The following AJAP1 variants were observed in gnomAD, a reference collection of about 807,000 sequenced individuals.
AJAP1 encodes adherens junction-associated protein 1.
Under a neutral mutation model 35.0 loss-of-function variants are expected in AJAP1, and 5 were observed. That is an observed-to-expected ratio of 0.14 (90% CI 0.07 to 0.30). AJAP1 has a LOEUF of 0.30. Among genes scored for constraint, AJAP1 ranks in the 10% least tolerant of loss-of-function variants. The pLI is 1.00. For synonymous variants in AJAP1, 284 were observed against 249.3 expected, an observed-to-expected ratio of 1.14 and a Z score of -1.31; for missense variants, 586 against 571.0, an observed-to-expected ratio of 1.03 and a Z score of -0.27.
intron 2 of AJAP1, among the ~76,000 whole-genome samples, chr1:4,762,537 C>T (rs918353353): frequency 4.6e-5 from 7 of 152,238 alleles, no homozygotes; most frequent in African/African-American, 1.7e-4. Flanking sequence ...CGTATTGTCA[C>T]ACATCATTGC....
intron 1 of AJAP1, among the ~76,000 whole-genome samples, chr1:4,674,996 G>A (rs13376219): frequency 0.14 from 21,618 of 152,234 alleles, 1,918 homozygotes; most frequent in East Asian, 0.29. Context: ...CCGTCGTCCT[G>A]CAGGCTTGAG....
rs779555822 is a variant in AJAP1 at position 4,712,180 on chromosome 1, C to T, written c.310C>T (p.Pro104Ser). 1.1e-5 allele frequency: 17 copies of T among 1,565,884 alleles called. No homozygotes were observed. In the South Asian group the frequency reaches 1.6e-4, roughly 15 times the overall value. The change falls in exon 2 of 6, where the codon CCC (proline) becomes TCC (serine). Residue 104 changes from proline to serine, a missense_variant. Transcript: ENST00000378191. Reference sequence around the variant, plus strand: ...GCCTCGAGCCAGACGGGCCCACAGGCCCCGGGACCAGGCGGCCGCCCTCGT... The same window carrying T: ...GCCTCGAGCCAGACGGGCCCACAGGTCCCGGGACCAGGCGGCCGCCCTCGT... ...QMPRARRAHR[P>S]RDQAAALVPK...
rs969134354 is a variant in AJAP1, at chr1:4,729,351, G to C, written c.829+16652G>C. 2.0e-5 allele frequency among the ~76,000 whole-genome samples: 3 copies of C among 152,328 alleles called. No homozygotes were observed. The South Asian group carries it at 6.2e-4, about 32-fold the overall frequency. On this transcript the variant is annotated intron_variant, in intron 2 of 5. Coordinates refer to ENST00000378191, the MANE Select transcript of AJAP1 (RefSeq NM_018836.4). ...CCTGGGGGTCCAGCTGGCCAGTGCG[G>C]GCTGCCCTGTGAGACTTGGAGCTGC...
chr1:4,691,525 G>A (rs536408700), intron 1 of AJAP1, among the ~76,000 whole-genome samples: 19 of 152,348 alleles, frequency 1.2e-4, no homozygotes, highest in South Asian at 6.2e-4. Flanking sequence ...AGTGGCTCCA[G>A]AGAGGAGCTT....
intron 2 of AJAP1, among the ~76,000 whole-genome samples, chr1:4,760,519 T>C (rs547492799): frequency 4.6e-4 from 70 of 152,194 alleles, no homozygotes; most frequent in Non-Finnish European, 9.1e-4. Context: ...TGCTGCTGCC[T>C]GTCACGGAGC....
chr1:4,778,898 C>T (rs1039428325), intron 5 of AJAP1, among the ~76,000 whole-genome samples: 4 of 152,148 alleles, frequency 2.6e-5, no homozygotes, highest in African/African-American at 9.7e-5. Flanking sequence ...TGAGCCTCAT[C>T]CGGTGTTTTG....
At chr1:4,713,359 G>C (rs560897083) in intron 2 of AJAP1, among the ~76,000 whole-genome samples, 4 of 152,244 alleles carry the variant, frequency 2.6e-5, no homozygotes, top group Non-Finnish European at 5.9e-5. Flanking sequence ...GGAGGACGGA[G>C]ATCAGAACAA....
chr1:4,790,343 A>G lies in AJAP1; in HGVS notation c.*7858A>G, dbSNP rs1187204881. ...TACCACTTAAGGCCTACAAAACCACATGGGAGTTTCTTTATTGCGTATGCA... is the reference window on the plus strand; with the variant it reads ...TACCACTTAAGGCCTACAAAACCACGTGGGAGTTTCTTTATTGCGTATGCA... On this transcript the variant is annotated 3_prime_UTR_variant, in exon 6 of 6. Transcript: ENST00000378191. 6.6e-6 allele frequency: 1 copy of G among 152,218 alleles called. No individual in the cohort carries two copies. The highest frequency in any genetic ancestry group is 2.4e-5 in the African/African-American group (1 of 41,470). The allele number at this position is 152,218 out of a possible 1,614,324, so 9.4% of individuals were successfully genotyped here. A position where few individuals can be genotyped will look rare whatever the true frequency, so the allele number is the denominator to read the frequency against.
intron 2 of AJAP1, among the ~76,000 whole-genome samples, chr1:4,728,022 T>G (rs1038154969): frequency 6.6e-6 from 1 of 152,180 alleles, no homozygotes. Context: ...TGTGGGACCT[T>G]GAGCAGAGGA....
intron 2 of AJAP1, among the ~76,000 whole-genome samples, chr1:4,755,488 G>A (rs1194747146): frequency 1.3e-5 from 2 of 152,146 alleles, no homozygotes; most frequent in South Asian, 2.1e-4. Flanking sequence ...TGGCCACGGG[G>A]CTCTGTTTGC....
At chr1:4,736,498 A>G (rs392630) in intron 2 of AJAP1, among the ~76,000 whole-genome samples, 139,259 of 152,256 alleles carry the variant, frequency 0.91, 64,457 homozygotes, top group African/African-American at 0.95. Context: ...GTGGCCAGCG[A>G]TAATCTCTTC....
rs983766684 is a variant in AJAP1, at chr1:4,712,457, C to T, written c.587C>T (p.Thr196Ile). 2 of 1,611,010 alleles carry T rather than the reference C, an allele frequency of 1.2e-6. No homozygotes were observed. Among genetic ancestry groups the T allele is most frequent in the African/African-American group, 1.3e-5 (1 of 75,006 alleles). The change falls in exon 2 of 6, where the codon ACA (threonine) becomes ATA (isoleucine). Residue 196 changes from threonine (T) to isoleucine (I), a missense_variant. Physicochemically the swap from Thr to Ile is moderately conservative, Grantham distance 89. Coordinates refer to ENST00000378191, the MANE Select transcript of AJAP1 (RefSeq NM_018836.4). ...GACGAGGAGGCCCTGGAGTCCAACA[C>T]ATTTCCGGGCGTTTACGGCCCCACC... is the stretch of plus-strand genomic sequence containing the variant. ...TGDEEALESN[T>I]FPGVYGPTTV...
intron 2 of AJAP1, among the ~76,000 whole-genome samples, chr1:4,745,709 T>G (rs1267419344): frequency 6.6e-6 from 1 of 152,124 alleles, no homozygotes. Context: ...TGGCTTTGAG[T>G]CAGAGTCAGC....
chr1:4,729,878 A>G (rs1304373075), intron 2 of AJAP1, among the ~76,000 whole-genome samples: 1 of 152,184 alleles, frequency 6.6e-6, no homozygotes, highest in East Asian at 1.9e-4. Flanking sequence ...CACATCTGCA[A>G]AGATCCTCTT....
intron 1 of AJAP1, among the ~76,000 whole-genome samples, chr1:4,709,511 T>G (rs1640178749): frequency 6.6e-6 from 1 of 152,192 alleles, no homozygotes; most frequent in Non-Finnish European, 1.5e-5. Flanking sequence ...GGTGAGACCC[T>G]GCACCTGCTC....
chr1:4,781,165 G>C (rs1040551430), intron 5 of AJAP1, among the ~76,000 whole-genome samples: 2 of 152,200 alleles, frequency 1.3e-5, no homozygotes, highest in Non-Finnish European at 2.9e-5. Context: ...CAGCCTCGCT[G>C]TCCACTCCTG....
chr1:4,773,487 G>A (rs963367782), intron 4 of AJAP1, among the ~76,000 whole-genome samples: 3 of 152,224 alleles, frequency 2.0e-5, no homozygotes, highest in East Asian at 1.9e-4. Context: ...TTCTGGCCAC[G>A]CCTCTTCTTG....
chr1:4,673,848 G>A (rs1639300639), intron 1 of AJAP1, among the ~76,000 whole-genome samples: 1 of 152,018 alleles, frequency 6.6e-6, no homozygotes, highest in African/African-American at 2.4e-5. Context: ...GGGCTCTGGA[G>A]AGGCTTTACT....
chr1:4,735,613 C>G (rs768029997), intron 2 of AJAP1, among the ~76,000 whole-genome samples: 1 of 152,214 alleles, frequency 6.6e-6, no homozygotes, highest in Non-Finnish European at 1.5e-5. Flanking sequence ...GAGGTCTCTC[C>G]TCCCAGGCTG....
Sources: gnomAD v4.1 joint callset for allele counts (sites outside exome capture counted in the v4.1 genomes callset) on GRCh38, gnomAD v4.1.1 for gene constraint, MANE v1.5 for transcripts, NCBI Gene and HGNC (gene_info 2026-07-23, HGNC 2026-07-21) for gene names.